The following CAMKMT variants were observed in gnomAD, a reference collection of about 807,000 sequenced individuals.
CAMKMT encodes CaM KMT.
A neutral mutation model predicts 48.0 loss-of-function variants in CAMKMT; 53 were observed. The observed-to-expected ratio is 1.10, with a 90% CI of 0.89 to 1.39. The LOEUF is 1.39. Among genes scored for constraint, CAMKMT ranks in the 40% most tolerant of loss-of-function variants. The probability of loss-of-function intolerance (pLI) is 0.00; values close to 1 mark genes in which losing one functional copy is unlikely to be tolerated. For missense variants in CAMKMT, 428 were observed against 402.7 expected (o/e 1.06, Z -0.54); for synonymous variants, 165 against 152.3 (o/e 1.08, Z -0.61).
At chr2:44,687,415 A>G (rs1377600725) in intron 3 of CAMKMT, among the ~76,000 whole-genome samples, 2 of 152,232 alleles carry the variant, frequency 1.3e-5, no homozygotes, top group East Asian at 3.8e-4. Context: ...GTAAGGATTC[A>G]GTAAATATTT....
At chr2:44,449,741 TA>T (rs1667192333) in intron 3 of CAMKMT, among the ~76,000 whole-genome samples, 1 of 152,150 alleles carries the variant, frequency 6.6e-6, no homozygotes, top group South Asian at 2.1e-4. Context: ...TCAACACTAT[TA>T]ACAAGTATCT....
At chr2:44,530,780 A>C (rs1436462760) in intron 3 of CAMKMT, among the ~76,000 whole-genome samples, 1 of 152,138 alleles carries the variant, frequency 6.6e-6, no homozygotes. Flanking sequence ...AGAAATTATT[A>C]ACGTTCTGAT....
chr2:44,441,399 C>T (rs1329511267), intron 3 of CAMKMT, among the ~76,000 whole-genome samples: 1 of 152,102 alleles, frequency 6.6e-6, no homozygotes, highest in African/African-American at 2.4e-5. Context: ...GGAATTAATC[C>T]TTAGCCTGTG....
chr2:44,478,626 G>A (rs892872833), intron 3 of CAMKMT, among the ~76,000 whole-genome samples: 44 of 151,536 alleles, frequency 2.9e-4, no homozygotes, highest in African/African-American at 1.0e-3. Flanking sequence ...TGTATGGATG[G>A]AATAAAACCA....
intron 3 of CAMKMT, among the ~76,000 whole-genome samples, chr2:44,563,398 C>T (rs573234764): frequency 6.6e-6 from 1 of 151,580 alleles, no homozygotes; most frequent in East Asian, 1.9e-4. Flanking sequence ...GTAGATATTA[C>T]CATTTGTGCT....
At position 44,402,374 on chromosome 2, in the gene CAMKMT, T is replaced by G. The variant is rs1225590529; in HGVS notation, c.376+12069T>G. On this transcript the variant is annotated intron_variant, in intron 3 of 10. Transcript: ENST00000378494. ...GATAGAATTTAAAACAATTTCCCCTTCAAAGTTTTACAGTAATGTGTCATA... is the reference window on the plus strand; with the variant it reads ...GATAGAATTTAAAACAATTTCCCCTGCAAAGTTTTACAGTAATGTGTCATA... Among the ~76,000 whole-genome samples the G allele has an allele frequency of 2.6e-5, 4 of 151,126 alleles. No homozygotes were observed. In the East Asian group the frequency reaches 7.7e-4, roughly 29 times the overall value.
In CAMKMT at chr2:44,372,798, C is replaced by A. The variant is rs779827140; in HGVS notation, c.221C>A (p.Thr74Lys). 6.2e-7 allele frequency: 1 copy of A among 1,613,862 alleles called. No individual in the cohort carries two copies. The highest frequency in any genetic ancestry group is 1.1e-5 in the South Asian group (1 of 91,076). ...RFESFNLFSVTEGKERETEEE... is the reference protein window; with the variant it reads ...RFESFNLFSVKEGKERETEEE... ...GAATCATTTAATCTGTTTTCAGTAA[C>A]AGAAGGCAAAGAAAGGGAAACTGAA... Residue 74 changes from threonine (T) to lysine (K), a missense_variant, in exon 2 of 11, where the codon ACA becomes AAA. Physicochemically the swap from Thr to Lys is moderately conservative, Grantham distance 78. Coordinates refer to ENST00000378494, the MANE Select transcript of CAMKMT (RefSeq NM_024766.5).
At chr2:44,451,111 A>C (rs1667265287) in intron 3 of CAMKMT, among the ~76,000 whole-genome samples, 1 of 152,140 alleles carries the variant, frequency 6.6e-6, no homozygotes, top group South Asian at 2.1e-4. Flanking sequence ...AAATAAAATA[A>C]GTGAAAAGCA....
At chr2:44,652,744 G>A (rs979899039) in intron 3 of CAMKMT, among the ~76,000 whole-genome samples, 1 of 152,202 alleles carries the variant, frequency 6.6e-6, no homozygotes, top group Non-Finnish European at 1.5e-5. Flanking sequence ...GGGAGTGGGA[G>A]TGATGATGGA....
chr2:44,501,219 G>A (rs1266990537), intron 3 of CAMKMT, among the ~76,000 whole-genome samples: 1 of 151,676 alleles, frequency 6.6e-6, no homozygotes. Flanking sequence ...TTCTGCAATG[G>A]TAGGTTTTTT....
intron 8 of CAMKMT, 93 bp from the exon 9 acceptor site, chr2:44,753,962 A>C: frequency 1.2e-6 from 1 of 840,584 alleles, no homozygotes; most frequent in Non-Finnish European, 2.0e-6. Context: ...GCGTTGGGTA[A>C]ACATGTGTAA....
chr2:44,465,333 C>T (rs1369494283), intron 3 of CAMKMT, among the ~76,000 whole-genome samples: 1 of 152,128 alleles, frequency 6.6e-6, no homozygotes, highest in Non-Finnish European at 1.5e-5. Flanking sequence ...CGCAGTAGAT[C>T]ACTCCTGTAA....
intron 3 of CAMKMT, among the ~76,000 whole-genome samples, chr2:44,671,029 A>G (rs1675297891): frequency 6.6e-6 from 1 of 152,156 alleles, no homozygotes; most frequent in African/African-American, 2.4e-5. Flanking sequence ...GAATGCTTGC[A>G]ATATTAATAA....
chr2:44,397,100 T>C (rs1681926799), intron 3 of CAMKMT, among the ~76,000 whole-genome samples: 2 of 151,764 alleles, frequency 1.3e-5, no homozygotes, highest in Admixed American at 1.3e-4. Context: ...TATTTTGTTT[T>C]AAAATAATAC....
At chr2:44,656,748 T>A (rs1304354107) in intron 3 of CAMKMT, among the ~76,000 whole-genome samples, 4 of 149,518 alleles carry the variant, frequency 2.7e-5, no homozygotes, top group Non-Finnish European at 4.5e-5. Context: ...CTCATTATTA[T>A]TCCCAAATTA....
chr2:44,520,773 A>T (rs189122145), intron 3 of CAMKMT, among the ~76,000 whole-genome samples: 1 of 152,268 alleles, frequency 6.6e-6, no homozygotes, highest in African/African-American at 2.4e-5. Context: ...GGACAGGTGG[A>T]GGTAATTGGA....
At chr2:44,458,398 A>G (rs780937184) in intron 3 of CAMKMT, among the ~76,000 whole-genome samples, 9 of 152,186 alleles carry the variant, frequency 5.9e-5, no homozygotes, top group Non-Finnish European at 8.8e-5. Context: ...CTCTGTAAAT[A>G]GAGAGTAATC....
intron 3 of CAMKMT, among the ~76,000 whole-genome samples, chr2:44,541,473 GTTA>G (rs1667102495): frequency 6.6e-6 from 1 of 152,030 alleles, no homozygotes; most frequent in Non-Finnish European, 1.5e-5. Context: ...AAGTTTTCCG[GTTA>G]TTATGTATGT....
rs554077279 is a variant in CAMKMT at position 44,741,406 on chromosome 2, A to G, written c.624-2216A>G. 6.6e-5 allele frequency among the ~76,000 whole-genome samples: 10 copies of G among 152,374 alleles called. No homozygotes were observed. The South Asian group carries it at 2.1e-3, about 32-fold the overall frequency. Reference sequence around the variant, plus strand: ...AAGCACCATTCTCATTGTATGTTACATGAACAATACAACTCCAGGTACTGT... The same window carrying G: ...AAGCACCATTCTCATTGTATGTTACGTGAACAATACAACTCCAGGTACTGT... On this transcript the variant is annotated intron_variant, in intron 7 of 10. Transcript: ENST00000378494.
Sources: gnomAD v4.1 joint callset for allele counts (sites outside exome capture counted in the v4.1 genomes callset) on GRCh38, gnomAD v4.1.1 for gene constraint, MANE v1.5 for transcripts, NCBI Gene and HGNC (gene_info 2026-07-23, HGNC 2026-07-21) for gene names.